CDK14: variants seen among roughly 807,000 people sequenced by gnomAD.
CDK14 encodes cyclin dependent kinase 14.
A neutral mutation model predicts 60.7 loss-of-function variants in CDK14; 34 were observed. The ratio of observed to expected loss-of-function variants is 0.56; its 90% CI spans 0.43 to 0.75. CDK14 has a LOEUF of 0.75. Among genes scored for constraint, CDK14 ranks in the 30% least tolerant of loss-of-function variants. The pLI, the probability that CDK14 is intolerant of heterozygous loss-of-function variation, is 0.00. For missense variants in CDK14, 482 were observed against 564.1 expected, an observed-to-expected ratio of 0.85 and a Z score of 1.47; for synonymous variants, 197 against 203.7, an observed-to-expected ratio of 0.97 and a Z score of 0.28.
intron 14 of CDK14, among the ~76,000 whole-genome samples, chr7:91,163,501 G>A (rs1801233678): frequency 6.6e-6 from 1 of 152,156 alleles, no homozygotes; most frequent in South Asian, 2.1e-4. Flanking sequence ...AATTACAATT[G>A]TATAGATGTA....
intron 7 of CDK14, among the ~76,000 whole-genome samples, chr7:90,899,862 A>G (rs540526788): frequency 6.6e-6 from 1 of 152,298 alleles, no homozygotes; most frequent in African/African-American, 2.4e-5. Context: ...ATGATTTCCT[A>G]AAATTTGACC....
At position 90,596,815 on chromosome 7, in the gene CDK14, G is replaced by A; in HGVS notation, c.91+97G>A. On this transcript the variant is annotated intron_variant, in intron 1 of 14. Transcript: ENST00000380050. ...CACCAGCCATGCAGCTGCCAGCGGGGCTGGCGTGGGGTGCGTTGTAGGCGG... is the reference window on the plus strand; with the variant it reads ...CACCAGCCATGCAGCTGCCAGCGGGACTGGCGTGGGGTGCGTTGTAGGCGG... The A allele has an allele frequency of 5.8e-6, 6 of 1,037,114 alleles. No individual in the cohort carries two copies. The South Asian group carries it at 8.4e-5, about 15-fold the overall frequency. 64.2% of individuals were successfully genotyped at this position (1,037,114 alleles called of 1,614,324 possible). A position where few individuals can be genotyped will look rare whatever the true frequency, so the allele number is the denominator to read the frequency against.
At chr7:90,789,991 T>G (rs1805759393) in intron 4 of CDK14, among the ~76,000 whole-genome samples, 1 of 152,044 alleles carries the variant, frequency 6.6e-6, no homozygotes, top group African/African-American at 2.4e-5. Context: ...TGGTAAAATA[T>G]TCATAACTTT....
intron 8 of CDK14, among the ~76,000 whole-genome samples, chr7:90,944,083 ACACTTCATCCTTC>A (rs1794021229): frequency 6.6e-6 from 1 of 152,188 alleles, no homozygotes. Flanking sequence ...TTGTACGTGC[ACACTTCATCCTTC>A]CACTTCTCTA....
intron 14 of CDK14, among the ~76,000 whole-genome samples, chr7:91,169,188 C>T (rs1057038579): frequency 6.6e-6 from 1 of 152,168 alleles, no homozygotes; most frequent in Non-Finnish European, 1.5e-5. Flanking sequence ...TACAGCTCAC[C>T]GGCGTGATAC....
intron 2 of CDK14, among the ~76,000 whole-genome samples, chr7:90,672,502 GTTTTTTTTTTT>G (rs201978996): frequency 4.8e-4 from 24 of 49,996 alleles, no homozygotes; most frequent in Middle Eastern, 0.019. Context: ...TTCTTCTTCT[GTTTTTTTTTTT>G]TTTTTTTTTT....
At position 91,068,831 on chromosome 7, in the gene CDK14, AAG is replaced by A. The variant is rs1479023364; in HGVS notation, c.1106-10600_1106-10599del. On this transcript the variant is annotated intron_variant, in intron 11 of 14. Transcript: ENST00000380050. ...TTAAAAAAAAAAAAAAAAAAAAAAA[AAG>A]CCCATACCAGATCATATCTTAAAGG... 6.6e-3 allele frequency among the ~76,000 whole-genome samples: 756 copies of A among 113,702 alleles called. 16 individuals are homozygous for A. Among genetic ancestry groups the A allele is most frequent in the Admixed American group, 0.057 (617 of 10,878 alleles). The allele number at this position is 113,702 out of a possible 152,430, so 74.6% of individuals were successfully genotyped here.
At chr7:91,146,491 G>A (rs1013588661) in intron 14 of CDK14, among the ~76,000 whole-genome samples, 4 of 152,118 alleles carry the variant, frequency 2.6e-5, no homozygotes, top group African/African-American at 7.2e-5. Flanking sequence ...GTGAGCCACC[G>A]TGCCCAGCGC....
chr7:90,925,458 G>T (rs1391501415), intron 8 of CDK14, among the ~76,000 whole-genome samples: 1 of 152,206 alleles, frequency 6.6e-6, no homozygotes, highest in Non-Finnish European at 1.5e-5. Flanking sequence ...AAGATTTCAA[G>T]ATCAAATGTT....
chr7:90,700,441 T>C (rs1193483555), intron 2 of CDK14, among the ~76,000 whole-genome samples: 2 of 152,154 alleles, frequency 1.3e-5, no homozygotes, highest in African/African-American at 2.4e-5. Context: ...TTGGAGTACT[T>C]GGCAGAGTAC....
chr7:90,903,719 A>G (rs983764169), intron 7 of CDK14, among the ~76,000 whole-genome samples: 3 of 152,188 alleles, frequency 2.0e-5, no homozygotes, highest in Non-Finnish European at 4.4e-5. Context: ...AAGATTTGGA[A>G]TGTTCCCAAG....
chr7:91,204,143 A>G (rs563987471), intron 14 of CDK14, among the ~76,000 whole-genome samples: 3 of 152,282 alleles, frequency 2.0e-5, no homozygotes, highest in Non-Finnish European at 4.4e-5. Flanking sequence ...ATGTAGAGGT[A>G]GCAAAGGGCC....
intron 14 of CDK14, among the ~76,000 whole-genome samples, chr7:91,126,844 T>G (rs1468824352): frequency 6.6e-6 from 1 of 152,200 alleles, no homozygotes; most frequent in African/African-American, 2.4e-5. Flanking sequence ...TTTTTTTATT[T>G]TTTTTTCCTT....
intron 10 of CDK14, among the ~76,000 whole-genome samples, chr7:91,013,897 C>T (rs1037039969): frequency 2.0e-5 from 3 of 151,716 alleles, no homozygotes; most frequent in Admixed American, 6.6e-5. Context: ...GTGTGACTAG[C>T]GAAATAACTA....
intron 14 of CDK14, among the ~76,000 whole-genome samples, chr7:91,169,649 A>G (rs1801452242): frequency 1.3e-5 from 2 of 152,182 alleles, no homozygotes; most frequent in African/African-American, 4.8e-5. Context: ...CCAATTTACC[A>G]ATGACCAGGT....
rs1799456210 is a variant in CDK14, at chr7:91,111,057, GT to G, written c.1155-1483del. Among the ~76,000 whole-genome samples the G allele has an allele frequency of 2.0e-5, 3 of 152,188 alleles. No homozygotes were observed. The South Asian group carries it at 6.2e-4, about 31-fold the overall frequency. On this transcript the variant is annotated intron_variant, in intron 12 of 14. Coordinates refer to ENST00000380050, the MANE Select transcript of CDK14 (RefSeq NM_001287135.2). The stretch of plus-strand genomic sequence containing the variant: ...AATTTCTCTCTTCCAGGGAGAGACA[GT>G]TAAAACCAATCCATTGATCCATTTT...
At chr7:90,809,529 A>G (rs1051191243) in intron 5 of CDK14, among the ~76,000 whole-genome samples, 2 of 152,210 alleles carry the variant, frequency 1.3e-5, no homozygotes, top group Non-Finnish European at 1.5e-5. Context: ...GGAAAGATCT[A>G]AAATTGACAC....
chr7:90,913,581 G>A (rs769335618), intron 7 of CDK14, among the ~76,000 whole-genome samples: 23 of 152,214 alleles, frequency 1.5e-4, no homozygotes, highest in Non-Finnish European at 2.8e-4. Context: ...AAATGGGGAT[G>A]TATGAATGCT....
At chr7:90,934,130 G>A (rs1269038427) in intron 8 of CDK14, among the ~76,000 whole-genome samples, 2 of 152,230 alleles carry the variant, frequency 1.3e-5, no homozygotes, top group East Asian at 3.8e-4. Flanking sequence ...GGCGGTCAGT[G>A]CCCAGGAGGC....
Sources: gnomAD v4.1 joint callset for allele counts (sites outside exome capture counted in the v4.1 genomes callset) on GRCh38, gnomAD v4.1.1 for gene constraint, MANE v1.5 for transcripts, NCBI Gene and HGNC (gene_info 2026-07-23, HGNC 2026-07-21) for gene names.